Variants in MAP6 observed in about 807,000 individuals in gnomAD.
MAP6 encodes microtubule-associated protein 6.
In MAP6, 26 loss-of-function variants were observed where a neutral mutation model predicts 42.4. The ratio of observed to expected loss-of-function variants is 0.61; its 90% CI spans 0.45 to 0.85. MAP6 has a LOEUF of 0.85. Among genes scored for constraint, MAP6 ranks in the 40% least tolerant of loss-of-function variants. The pLI is 0.00. For missense variants in MAP6, 966 were observed against 1,099.0 expected, an observed-to-expected ratio of 0.88 and a Z score of 1.71; for synonymous variants, 418 against 443.8, an observed-to-expected ratio of 0.94 and a Z score of 0.73.
intron 1 of MAP6, among the ~76,000 whole-genome samples, chr11:75,616,323 T>G (rs1198958920): frequency 6.6e-6 from 1 of 152,224 alleles, no homozygotes; most frequent in Non-Finnish European, 1.5e-5. Context: ...TATAAAATTT[T>G]TTTGACATTC....
intron 1 of MAP6, among the ~76,000 whole-genome samples, chr11:75,657,108 C>CTT (rs1565280855): frequency 6.7e-6 from 1 of 149,170 alleles, no homozygotes. Context: ...TGTGGAGACA[C>CTT]TATTTTTTTT....
intron 3 of MAP6, chr11:75,603,865 C>A: frequency 1.0e-6 from 1 of 985,350 alleles, no homozygotes; most frequent in Non-Finnish European, 1.2e-6. Context: ...TGGAGAAATC[C>A]AAATTGTGGC....
At chr11:75,627,193 G>C (rs985588761) in intron 1 of MAP6, among the ~76,000 whole-genome samples, 1 of 152,234 alleles carries the variant, frequency 6.6e-6, no homozygotes, top group African/African-American at 2.4e-5. Flanking sequence ...CTCCGCACCT[G>C]ACTTCCCAAC....
At chr11:75,607,636 C>A in intron 2 of MAP6, 1 of 985,246 alleles carries the variant, frequency 1.0e-6, no homozygotes, top group Non-Finnish European at 1.2e-6. Context: ...TGAGAGAGGG[C>A]AGGTGCTTTT....
chr11:75,622,437 A>G (rs1464486537), intron 1 of MAP6, among the ~76,000 whole-genome samples: 2 of 151,234 alleles, frequency 1.3e-5, no homozygotes, highest in African/African-American at 4.9e-5. Flanking sequence ...AAGAAGTGCA[A>G]TGGCTGTACA....
At chr11:75,588,334 A>T in intron 3 of MAP6, 150 bp from the exon 4 acceptor site, 1 of 436,176 alleles carries the variant, frequency 2.3e-6, no homozygotes, top group Non-Finnish European at 4.1e-6. Flanking sequence ...CTGTGTTCTT[A>T]GTACAGAATG....
At chr11:75,606,126 G>A (rs1038539791) in intron 2 of MAP6, 122 bp from the exon 3 acceptor site, 1 of 1,172,190 alleles carries the variant, frequency 8.5e-7, no homozygotes, top group Non-Finnish European at 1.2e-6. Context: ...GGCTCAGGTG[G>A]AGCACAGTGC....
intron 1 of MAP6, among the ~76,000 whole-genome samples, chr11:75,635,324 G>A (rs952623017): frequency 2.6e-5 from 4 of 152,190 alleles, no homozygotes; most frequent in African/African-American, 7.2e-5. Context: ...AGGGAAAAAT[G>A]TACCTCCTAC....
intron 3 of MAP6, among the ~76,000 whole-genome samples, chr11:75,602,335 G>C (rs1014859100): frequency 2.6e-5 from 4 of 152,080 alleles, no homozygotes; most frequent in African/African-American, 9.7e-5. Flanking sequence ...GTTGTTGCTT[G>C]GTGGCCTGTC....
At chr11:75,601,832 C>T (rs1488612329) in intron 3 of MAP6, among the ~76,000 whole-genome samples, 1 of 150,472 alleles carries the variant, frequency 6.6e-6, no homozygotes, top group Admixed American at 6.6e-5. Flanking sequence ...TGGCCCCCCT[C>T]CGACCTTTGC....
chr11:75,623,593 C>T (rs946261865), intron 1 of MAP6, among the ~76,000 whole-genome samples: 8 of 152,090 alleles, frequency 5.3e-5, no homozygotes, highest in African/African-American at 1.4e-4. Context: ...ATCTGTGGGG[C>T]CTAGGAGAGC....
chr11:75,610,339 A>T (rs146746837), intron 1 of MAP6, among the ~76,000 whole-genome samples: 2 of 152,224 alleles, frequency 1.3e-5, no homozygotes, highest in East Asian at 1.9e-4. Context: ...CTCCTCCTGG[A>T]CTCCCTCATC....
chr11:75,598,295 G>T (rs914146132), intron 3 of MAP6, among the ~76,000 whole-genome samples: 3 of 152,214 alleles, frequency 2.0e-5, no homozygotes, highest in Admixed American at 2.0e-4. Flanking sequence ...AACCAGGCCT[G>T]TTGGTTATAA....
intron 3 of MAP6, chr11:75,605,466 C>T: frequency 9.4e-7 from 1 of 1,066,762 alleles, no homozygotes; most frequent in Non-Finnish European, 1.1e-6. Flanking sequence ...GGAGACCCCA[C>T]AGACACTTCC....
chr11:75,610,749 G>A (rs924684943), intron 1 of MAP6, among the ~76,000 whole-genome samples: 3 of 152,112 alleles, frequency 2.0e-5, no homozygotes, highest in South Asian at 2.1e-4. Context: ...AGCAGGGGGC[G>A]GAGAAGAGGG....
At position 75,668,248 on chromosome 11, in the gene MAP6, C is replaced by G; in HGVS notation, c.122G>C (p.Gly41Ala). 6.8e-7 allele frequency: 1 copy of G among 1,460,746 alleles called. No individual in the cohort carries two copies. The highest frequency in any genetic ancestry group is 9.0e-7 in the Non-Finnish European group (1 of 1,108,148). 90.5% of individuals were successfully genotyped at this position (1,460,746 alleles called of 1,614,324 possible). A position where few individuals can be genotyped will look rare whatever the true frequency, so the allele number is the denominator to read the frequency against. ...TKYSEATEHP[G>A]APPQPPPPQQ... ...CGGCGGCGGTGGCTGCGGCGGGGCG[C>G]CCGGGTGCTCGGTGGCCTCCGAGTA... The change falls in exon 1 of 4, where the codon GGC becomes GCC. Residue 41 changes from glycine to alanine, a missense_variant. Transcript: ENST00000304771.
chr11:75,629,137 G>C (rs1486828072), intron 1 of MAP6, among the ~76,000 whole-genome samples: 3 of 152,180 alleles, frequency 2.0e-5, no homozygotes, highest in Admixed American at 2.0e-4. Context: ...ACTCAGGCTG[G>C]AGTGCAGTGG....
chr11:75,656,876 C>A (rs952929649), intron 1 of MAP6, among the ~76,000 whole-genome samples: 1 of 152,214 alleles, frequency 6.6e-6, no homozygotes, highest in Non-Finnish European at 1.5e-5. Flanking sequence ...CATGTCACCA[C>A]CACTCAGATC....
intron 1 of MAP6, among the ~76,000 whole-genome samples, chr11:75,635,405 G>A (rs567847374): frequency 5.9e-4 from 90 of 152,316 alleles, no homozygotes; most frequent in African/African-American, 2.1e-3. Context: ...CAAAGTGTTC[G>A]TCTCCTTAAG....
Sources: allele counts gnomAD v4.1 joint callset (sites outside exome capture counted in the v4.1 genomes callset), GRCh38; gene constraint gnomAD v4.1.1; transcripts MANE v1.5; gene names NCBI Gene and HGNC (gene_info 2026-07-23, HGNC 2026-07-21).